CDK5RAP2: variants seen among roughly 807,000 people sequenced by gnomAD.
CDK5RAP2 encodes CDK5 regulatory subunit associated protein 2.
In CDK5RAP2, 147 loss-of-function variants were observed where a neutral mutation model predicts 232.9. The observed-to-expected ratio is 0.63, with a 90% CI of 0.55 to 0.72. CDK5RAP2 has a LOEUF of 0.72. Ranked by LOEUF, CDK5RAP2 falls within the 30% of genes least tolerant of loss-of-function variation. The pLI, the probability that CDK5RAP2 is intolerant of heterozygous loss-of-function variation, is 0.00. For missense variants in CDK5RAP2, 2,195 were observed against 2,231.5 expected, an observed-to-expected ratio of 0.98 and a Z score of 0.33; for synonymous variants, 833 against 833.7, an observed-to-expected ratio of 1.00 and a Z score of 0.01.
intron 4 of CDK5RAP2, among the ~76,000 whole-genome samples, chr9:120,548,752 C>T (rs1310783233): frequency 3.3e-5 from 5 of 152,188 alleles, no homozygotes; most frequent in Admixed American, 2.0e-4. Context: ...TTCAAGGTTG[C>T]AGTGAGCTAT....
intron 27 of CDK5RAP2, among the ~76,000 whole-genome samples, chr9:120,419,404 CTAGA>C (rs2034433758): frequency 6.6e-6 from 1 of 152,124 alleles, no homozygotes; most frequent in Non-Finnish European, 1.5e-5. Flanking sequence ...GAACAGGGGG[CTAGA>C]TACTCTTGGG....
intron 12 of CDK5RAP2, among the ~76,000 whole-genome samples, chr9:120,512,073 G>A (rs1378801003): frequency 1.3e-5 from 2 of 151,958 alleles, no homozygotes; most frequent in East Asian, 3.9e-4. Context: ...TCTGGGCCAC[G>A]GGCAGTGGCT....
intron 5 of CDK5RAP2, among the ~76,000 whole-genome samples, chr9:120,541,994 T>C (rs2041652379): frequency 6.6e-6 from 1 of 152,124 alleles, no homozygotes; most frequent in South Asian, 2.1e-4. Flanking sequence ...CCTTTTTAAT[T>C]CTCCACATTT....
intron 12 of CDK5RAP2, among the ~76,000 whole-genome samples, chr9:120,507,841 A>C (rs551028120): frequency 2.1e-5 from 3 of 141,998 alleles, no homozygotes; most frequent in Non-Finnish European, 4.5e-5. Context: ...TCACAGGTGC[A>C]CTCTGGACCA....
At chr9:120,563,701 C>T (rs144516653) in intron 3 of CDK5RAP2, among the ~76,000 whole-genome samples, 5 of 151,814 alleles carry the variant, frequency 3.3e-5, no homozygotes, top group East Asian at 3.9e-4. Context: ...AAATCCATGT[C>T]GTATCTACAC....
At chr9:120,460,425 C>T (rs1248264240) in intron 19 of CDK5RAP2, 147 bp downstream of exon 19, 3 of 733,508 alleles carry the variant, frequency 4.1e-6, no homozygotes, top group African/African-American at 1.8e-5. Flanking sequence ...AAGGAAAAGA[C>T]CTAGTCTTTG....
chr9:120,571,883 C>G lies in CDK5RAP2; in HGVS notation c.127+91G>C. The G allele has an allele frequency of 3.0e-6, 3 of 1,013,134 alleles. No individual in the cohort carries two copies. In the South Asian group the frequency reaches 3.9e-5, roughly 13 times the overall value. 62.8% of individuals were successfully genotyped at this position (1,013,134 alleles called of 1,614,324 possible). A position where few individuals can be genotyped will look rare whatever the true frequency, so the allele number is the denominator to read the frequency against. Reference sequence around the variant, plus strand: ...GTGCCAGTTCAGGGAAGCCTCTGGGCCCCAGAGATATGAAAGCTCAAGATG... The same window carrying G: ...GTGCCAGTTCAGGGAAGCCTCTGGGGCCCAGAGATATGAAAGCTCAAGATG... On this transcript the variant is annotated intron_variant, in intron 2 of 37. Coordinates refer to ENST00000349780, the MANE Select transcript of CDK5RAP2 (RefSeq NM_018249.6).
chr9:120,565,526 A>C (rs1310619650), intron 3 of CDK5RAP2, among the ~76,000 whole-genome samples: 1 of 151,970 alleles, frequency 6.6e-6, no homozygotes, highest in Non-Finnish European at 1.5e-5. Flanking sequence ...ACATTCAAGA[A>C]CCTGCAGGAG....
At chr9:120,528,408 C>A (rs1196090931) in intron 9 of CDK5RAP2, among the ~76,000 whole-genome samples, 1 of 152,202 alleles carries the variant, frequency 6.6e-6, no homozygotes, top group African/African-American at 2.4e-5. Context: ...AGCTGGCAGG[C>A]ACCACACAAA....
chr9:120,563,100 C>T (rs975467336), intron 3 of CDK5RAP2, among the ~76,000 whole-genome samples: 1 of 152,106 alleles, frequency 6.6e-6, no homozygotes, highest in Non-Finnish European at 1.5e-5. Context: ...AAGACAGAAT[C>T]ATGAGTTGAG....
intron 12 of CDK5RAP2, among the ~76,000 whole-genome samples, chr9:120,518,224 AG>A (rs1564328002): frequency 3.7e-4 from 56 of 149,484 alleles, no homozygotes; most frequent in African/African-American, 1.4e-3. Flanking sequence ...AGAGAGAGAG[AG>A]AGAGAGAGAG....
chr9:120,540,610 A>G (rs2041590794), intron 5 of CDK5RAP2, among the ~76,000 whole-genome samples: 1 of 152,238 alleles, frequency 6.6e-6, no homozygotes, highest in Admixed American at 6.5e-5. Flanking sequence ...AACTGGAAAG[A>G]AAGAACATGG....
rs757776855 is a variant in CDK5RAP2, at chr9:120,402,898, T to C, written c.5215A>G (p.Lys1739Glu). 1.2e-6 allele frequency: 2 copies of C among 1,614,138 alleles called. No homozygotes were observed. The highest frequency in any genetic ancestry group is 8.5e-7 in the Non-Finnish European group (1 of 1,180,026). ...GLIEDYEALL[K>E]QISQGQRLLA... ...AGCCTCTGTCCCTGGCTGATCTGTT[T>C]GAGCAGGGCCTCATAGTCCTCAATC... The change falls in exon 34 of 38, where the codon AAA (lysine) becomes GAA (glutamate). Residue 1739 changes from lysine to glutamate, a missense_variant. Physicochemically the swap from Lys to Glu is moderately conservative, Grantham distance 56 (BLOSUM62 1). Coordinates refer to ENST00000349780, the MANE Select transcript of CDK5RAP2 (RefSeq NM_018249.6).
At chr9:120,553,325 C>T (rs1445812002) in intron 3 of CDK5RAP2, among the ~76,000 whole-genome samples, 1 of 152,170 alleles carries the variant, frequency 6.6e-6, no homozygotes, top group East Asian at 1.9e-4. Context: ...TGCAGTCTAA[C>T]TTAACTTCAA....
At chr9:120,494,267 A>G (rs917788218) in intron 12 of CDK5RAP2, among the ~76,000 whole-genome samples, 1 of 152,212 alleles carries the variant, frequency 6.6e-6, no homozygotes, top group Non-Finnish European at 1.5e-5. Flanking sequence ...CCTAGAGGCA[A>G]TAACACTCCA....
At chr9:120,570,784 A>G (rs2042825284) in intron 2 of CDK5RAP2, among the ~76,000 whole-genome samples, 1 of 151,936 alleles carries the variant, frequency 6.6e-6, no homozygotes, top group African/African-American at 2.4e-5. Context: ...GGTTGCAGTG[A>G]GCCGAGATCA....
At chr9:120,445,504 T>C (rs114419961) in intron 22 of CDK5RAP2, among the ~76,000 whole-genome samples, 1 of 152,118 alleles carries the variant, frequency 6.6e-6, no homozygotes, top group Non-Finnish European at 1.5e-5. Context: ...CTGCAACCCA[T>C]GCCAATCACG....
At chr9:120,485,931 C>G (rs1180701398) in intron 14 of CDK5RAP2, among the ~76,000 whole-genome samples, 1 of 152,236 alleles carries the variant, frequency 6.6e-6, no homozygotes, top group East Asian at 1.9e-4. Flanking sequence ...TCAAGAGAAA[C>G]AGCAAAATGC....
intron 34 of CDK5RAP2, 83 bp from the exon 35 acceptor site, chr9:120,400,968 C>G: frequency 6.7e-7 from 1 of 1,497,206 alleles, no homozygotes; most frequent in South Asian, 1.2e-5. Context: ...GTATAAATCT[C>G]CAGACTGTAG....
Sources: gnomAD v4.1 joint callset for allele counts (sites outside exome capture counted in the v4.1 genomes callset) on GRCh38, gnomAD v4.1.1 for gene constraint, MANE v1.5 for transcripts, NCBI Gene and HGNC (gene_info 2026-07-23, HGNC 2026-07-21) for gene names.